Variants in SNX9 observed in about 807,000 individuals in gnomAD.
The protein encoded by SNX9 is sorting nexin-9.
A neutral mutation model predicts 89.4 loss-of-function variants in SNX9; 44 were observed. That is an observed-to-expected ratio of 0.49 (90% CI 0.39 to 0.63). The LOEUF is 0.63. SNX9 is among the 30% of genes least tolerant of loss of function. SNX9 has a pLI of 0.00. For synonymous variants in SNX9, 236 were observed against 247.8 expected (o/e 0.95, Z 0.45); for missense variants, 578 against 736.1 (o/e 0.79, Z 2.49).
chr6:157,914,965 T>C (rs1018337065), intron 9 of SNX9, among the ~76,000 whole-genome samples: 1 of 152,220 alleles, frequency 6.6e-6, no homozygotes, highest in African/African-American at 2.4e-5. Context: ...TATTTTTGTA[T>C]AAGGTGTGCA....
intron 6 of SNX9, 73 bp downstream of exon 6, chr6:157,902,118 C>T: frequency 1.5e-6 from 2 of 1,330,062 alleles, no homozygotes; most frequent in Non-Finnish European, 2.0e-6. Flanking sequence ...TATACCCTAC[C>T]AAGAGGCAGC....
intron 2 of SNX9, among the ~76,000 whole-genome samples, chr6:157,868,362 C>T (rs1342917797): frequency 6.6e-6 from 1 of 152,240 alleles, no homozygotes; most frequent in Non-Finnish European, 1.5e-5. Flanking sequence ...TAGATACACT[C>T]ATCTTCAGAT....
At chr6:157,840,155 G>GCACAGTGAGGCCAGA (rs1562590741) in intron 1 of SNX9, among the ~76,000 whole-genome samples, 6 of 108,204 alleles carry the variant, frequency 5.5e-5, no homozygotes, top group African/African-American at 8.9e-5. Flanking sequence ...GCTGGTGCTT[G>GCACAGTGAGGCCAGA]GGGTGTCTTT....
rs1172416479 is a variant in SNX9 at position 157,896,919 on chromosome 6, G to T, written c.393G>T (p.Gly131=). 1.4e-5 allele frequency: 22 copies of T among 1,613,312 alleles called. No homozygotes were observed. The highest frequency in any genetic ancestry group is 1.8e-5 in the Non-Finnish European group (21 of 1,179,796). ...AAGGCTGGGGGGCCCAGCCAGAGGG[G>T]GCTGGAGCCCAAAGAAACACAAACA... ...SSEGWGAQPE[G]AGAQRNTNTP... is the part of the protein sequence containing the mutation. The change falls in exon 5 of 18, where the codon GGG becomes GGT. Residue 131 remains glycine, a synonymous_variant. Transcript: ENST00000392185.
intron 14 of SNX9, among the ~76,000 whole-genome samples, chr6:157,937,108 T>C (rs1457173488): frequency 6.6e-6 from 1 of 152,278 alleles, no homozygotes; most frequent in Non-Finnish European, 1.5e-5. Context: ...GAAGTTAAAC[T>C]ACAACAACTC....
intron 4 of SNX9, chr6:157,892,805 C>G (rs1368634554): frequency 6.6e-6 from 1 of 152,226 alleles, no homozygotes; most frequent in Non-Finnish European, 1.5e-5. Flanking sequence ...AGCTCACAGT[C>G]CTGTGTTCCT....
In SNX9 at chr6:157,875,119, T is replaced by G. The variant is rs1309446686; in HGVS notation, c.243T>G (p.Asp81Glu). Reference protein sequence around the residue: ...GNSVADQAFLDSLSASTAQAS... With the variant: ...GNSVADQAFLESLSASTAQAS... ...CAGTGGCTGACCAAGCCTTCCTTGA[T>G]TCTCTCTCAGCCAGCACAGCTCAGG... Residue 81 changes from aspartate (D) to glutamate (E), a missense_variant, in exon 4 of 18, where the codon GAT (aspartate) becomes GAG (glutamate). Around this residue, in one of 2 missense-constraint regions of SNX9, gnomAD observed 230 missense variants for 244.7 expected, o/e 0.94. Transcript: ENST00000392185. The G allele has an allele frequency of 1.2e-6, 2 of 1,613,994 alleles. No individual in the cohort carries two copies. Among genetic ancestry groups the G allele is most frequent in the African/African-American group, 2.7e-5 (2 of 74,930 alleles).
At chr6:157,828,504 T>A (rs9365478) in intron 1 of SNX9, among the ~76,000 whole-genome samples, 7,751 of 152,230 alleles carry the variant, frequency 0.051, 219 homozygotes, top group East Asian at 0.11. Context: ...ATTATTATTT[T>A]TTTTTTGGAG....
At chr6:157,828,518 G>C (rs1267510256) in intron 1 of SNX9, among the ~76,000 whole-genome samples, 1 of 151,812 alleles carries the variant, frequency 6.6e-6, no homozygotes, top group Non-Finnish European at 1.5e-5. Flanking sequence ...TTTGGAGACA[G>C]GGTCTCACTT....
intron 9 of SNX9, among the ~76,000 whole-genome samples, chr6:157,918,485 T>A (rs913332745): frequency 6.6e-6 from 1 of 152,164 alleles, no homozygotes; most frequent in Non-Finnish European, 1.5e-5. Context: ...TCAGTATATG[T>A]GTGCCTTTGA....
intron 12 of SNX9, among the ~76,000 whole-genome samples, chr6:157,930,716 C>A (rs1783794493): frequency 6.6e-6 from 1 of 152,184 alleles, no homozygotes; most frequent in Non-Finnish European, 1.5e-5. Flanking sequence ...AACCATCCCC[C>A]CGACCCACTG....
chr6:157,878,430 CATTT>C (rs1343507959), intron 4 of SNX9, among the ~76,000 whole-genome samples: 6 of 146,878 alleles, frequency 4.1e-5, no homozygotes, highest in Admixed American at 1.3e-4. Flanking sequence ...GGAAGCCCAC[CATTT>C]TTTTTTTTTT....
chr6:157,938,401 T>C (rs1487650208), intron 15 of SNX9, among the ~76,000 whole-genome samples: 1 of 152,242 alleles, frequency 6.6e-6, no homozygotes, highest in African/African-American at 2.4e-5. Context: ...TCTTTTGTTG[T>C]AGCATAAAAC....
At chr6:157,898,180 A>G (rs923107812) in intron 5 of SNX9, among the ~76,000 whole-genome samples, 6 of 152,212 alleles carry the variant, frequency 3.9e-5, no homozygotes, top group African/African-American at 1.4e-4. Context: ...TTGAAAATAG[A>G]TTTTATTCAA....
At position 157,875,228 on chromosome 6, in the gene SNX9, C is replaced by T. The variant is rs901682789; in HGVS notation, c.300+52C>T. On this transcript the variant is annotated intron_variant, in intron 4 of 17. Transcript: ENST00000392185. ...GTGGCTGGCTTTACGGAAAACAGAG[C>T]GTATTTGTGAAGGCTTGTGATGCAT... 7 of 1,568,358 alleles carry T rather than the reference C, an allele frequency of 4.5e-6. No individual in the cohort carries two copies. The African/African-American group carries it at 6.8e-5, about 15-fold the overall frequency.
chr6:157,928,933 A>ATCTC, intron 12 of SNX9, among the ~76,000 whole-genome samples: 1 of 152,296 alleles, frequency 6.6e-6, no homozygotes, highest in South Asian at 2.1e-4. Flanking sequence ...CGTTCACTTA[A>ATCTC]TTAGTTCCAG....
At chr6:157,855,303 AGGTTGTGTTT>A (rs1781987668) in intron 1 of SNX9, among the ~76,000 whole-genome samples, 1 of 152,184 alleles carries the variant, frequency 6.6e-6, no homozygotes, top group Non-Finnish European at 1.5e-5. Flanking sequence ...CCTGCCTTTT[AGGTTGTGTTT>A]GGTCTTTTGC....
At chr6:157,894,113 T>TTTTTTC (rs1782924343) in intron 4 of SNX9, among the ~76,000 whole-genome samples, 1 of 138,324 alleles carries the variant, frequency 7.2e-6, no homozygotes, top group Non-Finnish European at 1.6e-5. Context: ...TTTCTTTTTT[T>TTTTTTC]TTTTTTTTTT....
At chr6:157,882,489 C>T (rs1199950183) in intron 4 of SNX9, among the ~76,000 whole-genome samples, 1 of 152,190 alleles carries the variant, frequency 6.6e-6, no homozygotes, top group African/African-American at 2.4e-5. Flanking sequence ...CTATGGCTGC[C>T]ATAAATAGTG....
Sources: allele counts gnomAD v4.1 joint callset (sites outside exome capture counted in the v4.1 genomes callset), GRCh38; gene constraint gnomAD v4.1.1; regional missense constraint gnomAD v4.1.1; transcripts MANE v1.5; gene names NCBI Gene and HGNC (gene_info 2026-07-23, HGNC 2026-07-21).